The following SLCO3A1 variants were observed in gnomAD, a reference collection of about 807,000 sequenced individuals.
SLCO3A1 encodes the protein solute carrier organic anion transporter family member 3A1, also known as PGE1 transporter.
Under a neutral mutation model 63.1 loss-of-function variants are expected in SLCO3A1, and 27 were observed. The observed-to-expected ratio is 0.43, with a 90% CI of 0.32 to 0.59. The LOEUF (loss-of-function observed/expected upper bound fraction) is 0.59. SLCO3A1 is among the 20% of genes least tolerant of loss of function. SLCO3A1 has a pLI of 0.09. For missense variants in SLCO3A1, 773 were observed against 945.8 expected (o/e 0.82, Z 2.40); for synonymous variants, 473 against 409.9 (o/e 1.15, Z -1.86).
rs768894893 is a variant in SLCO3A1, at chr15:91,941,656, C to T, written c.646+25198C>T. The T allele has an allele frequency of 1.3e-5, 5 of 396,570 alleles. No individual in the cohort carries two copies. Among genetic ancestry groups the T allele is most frequent in the East Asian group, 7.7e-5 (1 of 12,908 alleles). The allele number at this position is 396,570 out of a possible 1,614,324, so 24.6% of individuals were successfully genotyped here. ...CATGGGTTTTGTACTTTTTCTTACT[C>T]GGGATGTTTGTTTCTCTTTGTCTTT... is the stretch of plus-strand genomic sequence containing the variant. On this transcript the variant is annotated intron_variant, in intron 2 of 9. Transcript: ENST00000318445. This position sits in a 1 kb window ranked among gnomAD's most constrained non-coding sequence, Gnocchi z 4.4.
At chr15:92,070,642 CT>C (rs57873454) in intron 2 of SLCO3A1, among the ~76,000 whole-genome samples, 14,434 of 144,200 alleles carry the variant, frequency 0.1, 821 homozygotes, top group East Asian at 0.25. Context: ...ACACTCTAGA[CT>C]TTTTTTTTTT....
chr15:91,926,594 T>TGTGTGTGTGC (rs1555450174), intron 2 of SLCO3A1, among the ~76,000 whole-genome samples: 1 of 94,254 alleles, frequency 1.1e-5, no homozygotes, highest in Admixed American at 9.3e-5. Context: ...TGTGTGTGTG[T>TGTGTGTGTGC]GTGCGCGCGC....
chr15:91,982,131 A>G (rs12910862), intron 2 of SLCO3A1, among the ~76,000 whole-genome samples: 37,263 of 152,286 alleles, frequency 0.24, 5,159 homozygotes, highest in East Asian at 0.36. Flanking sequence ...GCTCTTGCCA[A>G]TGCCGTGGCT....
rs373025693 is a variant in SLCO3A1 at position 92,162,986 on chromosome 15, G to A, written c.1984G>A (p.Gly662Arg). The change falls in exon 10 of 10, where the codon GGG (glycine) becomes AGG (arginine). Residue 662 changes from glycine (G) to arginine (R), a missense_variant. Physicochemically the swap from Gly to Arg is moderately radical, Grantham distance 125. Around this residue, in one of 3 missense-constraint regions of SLCO3A1, gnomAD observed 139 missense variants for 131.4 expected, o/e 1.06. Coordinates refer to ENST00000318445, the MANE Select transcript of SLCO3A1 (RefSeq NM_013272.4). Reference sequence around the variant, plus strand: ...ACGCTACATCAAAAACCACGAGGGCGGGCTGAGCACCAGTGAGTTCTTTGC... The same window carrying A: ...ACGCTACATCAAAAACCACGAGGGCAGGCTGAGCACCAGTGAGTTCTTTGC... ...YKRYIKNHEG[G>R]LSTSEFFAST... is the part of the protein sequence containing the mutation. 3.3e-5 allele frequency: 53 copies of A among 1,613,748 alleles called. No individual in the cohort carries two copies. Among genetic ancestry groups the A allele is most frequent in the African/African-American group, 1.1e-4 (8 of 74,986 alleles).
chr15:91,871,908 G>T (rs1463904561), intron 1 of SLCO3A1, among the ~76,000 whole-genome samples: 1 of 151,448 alleles, frequency 6.6e-6, no homozygotes, highest in Non-Finnish European at 1.5e-5. Context: ...CATTTGAAAA[G>T]ATTGTGTAAT....
intron 1 of SLCO3A1, among the ~76,000 whole-genome samples, chr15:91,906,932 T>G (rs1898325863): frequency 6.6e-6 from 1 of 152,024 alleles, no homozygotes. Flanking sequence ...TTGAGTGTTT[T>G]TTTTTTTTTA....
chr15:91,958,137 A>G (rs1900306972), intron 2 of SLCO3A1, among the ~76,000 whole-genome samples: 1 of 152,236 alleles, frequency 6.6e-6, no homozygotes, highest in African/African-American at 2.4e-5. Context: ...AAATTTAGGT[A>G]TGTCATGAAT....
At chr15:91,979,255 C>T (rs1901241886) in intron 2 of SLCO3A1, among the ~76,000 whole-genome samples, 1 of 152,066 alleles carries the variant, frequency 6.6e-6, no homozygotes, top group South Asian at 2.1e-4. Flanking sequence ...GGATAGGACC[C>T]AAGCCTCAAC....
intron 2 of SLCO3A1, among the ~76,000 whole-genome samples, chr15:91,997,576 TACAGAGGCATC>T (rs538273240): frequency 1.0e-3 from 156 of 152,240 alleles, no homozygotes; most frequent in Middle Eastern, 3.4e-3. Flanking sequence ...AGACCAAAGC[TACAGAGGCATC>T]ACATTACCTG....
At chr15:91,984,631 GA>G (rs2046027845) in intron 2 of SLCO3A1, among the ~76,000 whole-genome samples, 1 of 152,262 alleles carries the variant, frequency 6.6e-6, no homozygotes, top group Admixed American at 6.5e-5. Context: ...AGATAAAGGT[GA>G]AATAAACAGT....
intron 1 of SLCO3A1, among the ~76,000 whole-genome samples, chr15:91,881,538 C>A (rs1326905123): frequency 6.7e-6 from 1 of 149,704 alleles, no homozygotes; most frequent in African/African-American, 2.5e-5. Context: ...GCCCCCTTCC[C>A]TTGTCTTCTG....
chr15:92,016,470 G>A (rs1312880247), intron 2 of SLCO3A1, among the ~76,000 whole-genome samples: 1 of 152,116 alleles, frequency 6.6e-6, no homozygotes, highest in African/African-American at 2.4e-5. Flanking sequence ...GGCTTTGAAG[G>A]CTAAAGGAAG....
At chr15:91,940,028 G>T (rs1379038401) in intron 2 of SLCO3A1, among the ~76,000 whole-genome samples, 1 of 152,182 alleles carries the variant, frequency 6.6e-6, no homozygotes, top group Middle Eastern at 3.4e-3. Context: ...CATTTGCACC[G>T]GGAGCTCTCA....
intron 1 of SLCO3A1, among the ~76,000 whole-genome samples, chr15:91,887,057 T>C (rs1356303273): frequency 2.0e-5 from 3 of 152,240 alleles, no homozygotes; most frequent in African/African-American, 7.2e-5. Context: ...TGGTGTTTTG[T>C]GGGAGGGCAC....
chr15:91,957,965 A>C (rs1900300062), intron 2 of SLCO3A1, among the ~76,000 whole-genome samples: 1 of 152,158 alleles, frequency 6.6e-6, no homozygotes. Flanking sequence ...CTGAGTCTCC[A>C]TATACATTTG....
At chr15:91,955,993 C>CT (rs1254078297) in intron 2 of SLCO3A1, among the ~76,000 whole-genome samples, 1 of 152,134 alleles carries the variant, frequency 6.6e-6, no homozygotes, top group African/African-American at 2.4e-5. Flanking sequence ...GCAAAAGCCT[C>CT]TTGGGATGTG....
At chr15:91,938,574 A>G (rs1255229052) in intron 2 of SLCO3A1, among the ~76,000 whole-genome samples, 1 of 149,926 alleles carries the variant, frequency 6.7e-6, no homozygotes, top group Admixed American at 6.7e-5. Context: ...GTGTCAGGCT[A>G]CTCTGAATGC....
At chr15:91,926,596 T>TGTGTGTGTGTGGGC in intron 2 of SLCO3A1, among the ~76,000 whole-genome samples, 1 of 105,256 alleles carries the variant, frequency 9.5e-6, no homozygotes, top group African/African-American at 3.7e-5. Context: ...TGTGTGTGTG[T>TGTGTGTGTGTGGGC]GCGCGCGCGC....
At chr15:92,061,413 A>G (rs747912573) in intron 2 of SLCO3A1, among the ~76,000 whole-genome samples, 1 of 152,134 alleles carries the variant, frequency 6.6e-6, no homozygotes. Context: ...AGCAGAAGAG[A>G]TCTTCTCTCC....
Sources: gnomAD v4.1 joint callset for allele counts (sites outside exome capture counted in the v4.1 genomes callset) on GRCh38, gnomAD v4.1.1 for gene constraint, gnomAD v4.1.1 regional missense constraint, Gnocchi (gnomAD v3.1) non-coding constraint, MANE v1.5 for transcripts, NCBI Gene and HGNC (gene_info 2026-07-23, HGNC 2026-07-21) for gene names.